LARGE1: variants seen among roughly 807,000 people sequenced by gnomAD.
LARGE1 encodes the protein LARGE xylosyl- and glucuronyltransferase 1.
LARGE1 carries 43 observed loss-of-function variants against 87.6 expected under a neutral mutation model. That is an observed-to-expected ratio of 0.49 (90% CI 0.38 to 0.63). The LOEUF (loss-of-function observed/expected upper bound fraction) is 0.63, where lower values mean the gene tolerates loss of function less well. Among genes scored for constraint, LARGE1 ranks in the 30% least tolerant of loss-of-function variants. The pLI is 0.00. For synonymous variants in LARGE1, 434 were observed against 394.6 expected (o/e 1.10, Z -1.18); for missense variants, 802 against 1,000.2 (o/e 0.80, Z 2.67).
At chr22:33,376,793 T>A (rs1431701080) in intron 9 of LARGE1, among the ~76,000 whole-genome samples, 2 of 152,234 alleles carry the variant, frequency 1.3e-5, no homozygotes, top group African/African-American at 4.8e-5. Context: ...GATGTACGAA[T>A]CCTAACAGTA....
In LARGE1 at chr22:33,277,140, G is replaced by A. The variant is rs749437299; in HGVS notation, c.1993C>T (p.Arg665Cys). Residue 665 changes from arginine (R) to cysteine (C), a missense_variant, in exon 14 of 15, where the codon CGT becomes TGT. Transcript: ENST00000397394. ...CTCCGGTCGTACTCCGGGCAGTCACGTCTCACAACAACATACGGCTCAAAA... is the reference window on the plus strand; with the variant it reads ...CTCCGGTCGTACTCCGGGCAGTCACATCTCACAACAACATACGGCTCAAAA... The part of the protein sequence containing the change: ...ADFEPYVVVR[R>C]DCPEYDRRFV... The A allele has an allele frequency of 1.7e-5, 27 of 1,614,118 alleles. No homozygotes were observed. Among genetic ancestry groups the A allele is most frequent in the African/African-American group, 4.0e-5 (3 of 74,952 alleles).
At chr22:33,399,540 G>C (rs572633564) in intron 7 of LARGE1, among the ~76,000 whole-genome samples, 2 of 152,144 alleles carry the variant, frequency 1.3e-5, no homozygotes, top group Admixed American at 1.3e-4. Context: ...GGAAGACAGC[G>C]TGGCGATTCT....
intron 1 of LARGE1, among the ~76,000 whole-genome samples, chr22:33,883,270 T>C (rs1198658697): frequency 6.6e-6 from 1 of 152,124 alleles, no homozygotes; most frequent in Non-Finnish European, 1.5e-5. Flanking sequence ...TCCAGGAAGT[T>C]TCAGTATTAT....
chr22:33,413,508 A>C (rs2066383678), intron 7 of LARGE1, among the ~76,000 whole-genome samples: 2 of 151,986 alleles, frequency 1.3e-5, no homozygotes, highest in Non-Finnish European at 2.9e-5. Flanking sequence ...TCTGTCGCCC[A>C]GACTGGAGTG....
intron 2 of LARGE1, among the ~76,000 whole-genome samples, chr22:33,692,097 G>T (rs1430078213): frequency 6.6e-6 from 1 of 152,042 alleles, no homozygotes; most frequent in Non-Finnish European, 1.5e-5. Flanking sequence ...AAAATTTATT[G>T]TATGCTAAGC....
At chr22:33,916,234 T>C (rs991057794) in intron 1 of LARGE1, among the ~76,000 whole-genome samples, 7 of 151,650 alleles carry the variant, frequency 4.6e-5, no homozygotes, top group African/African-American at 1.7e-4. Context: ...TGAGCTAAGA[T>C]CATGCCACTG....
chr22:33,913,078 C>A (rs914648452), intron 1 of LARGE1, among the ~76,000 whole-genome samples: 1 of 151,754 alleles, frequency 6.6e-6, no homozygotes, highest in Non-Finnish European at 1.5e-5. Flanking sequence ...GTGATCCCCC[C>A]ACCTCGGCCT....
intron 6 of LARGE1, among the ~76,000 whole-genome samples, chr22:33,551,220 T>A (rs985120552): frequency 1.3e-5 from 2 of 152,188 alleles, no homozygotes; most frequent in African/African-American, 4.8e-5. Flanking sequence ...CACAAAGACA[T>A]ATACAGCCCA....
intron 6 of LARGE1, among the ~76,000 whole-genome samples, chr22:33,460,112 T>C (rs1381667784): frequency 6.6e-6 from 1 of 152,226 alleles, no homozygotes; most frequent in African/African-American, 2.4e-5. Context: ...CAGCTAACTG[T>C]AGCAGTCAAA....
chr22:33,110,035 C>T, the LARGE1 span, among the ~76,000 whole-genome samples: 1 of 152,242 alleles, frequency 6.6e-6, no homozygotes, highest in Admixed American at 6.5e-5. Flanking sequence ...AACTAACACG[C>T]TTACTCATCC....
chr22:33,767,709 G>A (rs1038703646), intron 1 of LARGE1, among the ~76,000 whole-genome samples: 5 of 152,024 alleles, frequency 3.3e-5, no homozygotes, highest in African/African-American at 1.2e-4. Flanking sequence ...TGTGTGGATT[G>A]TCTAGAAACA....
At chr22:33,138,181 G>A in the LARGE1 span, among the ~76,000 whole-genome samples, 64,113 of 152,010 alleles carry the variant, frequency 0.42, 13,981 homozygotes, top group South Asian at 0.68. Context: ...CTCTTGCATT[G>A]TCATGACCTG....
chr22:33,854,947 C>T (rs986542259), intron 1 of LARGE1, among the ~76,000 whole-genome samples: 2 of 152,150 alleles, frequency 1.3e-5, no homozygotes, highest in African/African-American at 4.8e-5. Context: ...CATTACAAAA[C>T]CCCAGAGGCA....
At chr22:33,700,107 C>T (rs1193331435) in intron 2 of LARGE1, among the ~76,000 whole-genome samples, 1 of 152,122 alleles carries the variant, frequency 6.6e-6, no homozygotes, top group Non-Finnish European at 1.5e-5. Context: ...CCAGGAAAGG[C>T]AACAAATCTA....
At chr22:33,573,354 A>T (rs1161221653) in intron 5 of LARGE1, among the ~76,000 whole-genome samples, 1 of 151,384 alleles carries the variant, frequency 6.6e-6, no homozygotes, top group Non-Finnish European at 1.5e-5. Context: ...CAGTAGAACC[A>T]CTTGAACCCA....
At chr22:33,610,283 GT>G (rs1189527967) in intron 4 of LARGE1, among the ~76,000 whole-genome samples, 10 of 152,228 alleles carry the variant, frequency 6.6e-5, no homozygotes, top group Non-Finnish European at 1.5e-4. Flanking sequence ...TTATAGACTG[GT>G]TTAATGGTTG....
chr22:33,840,880 C>A (rs1568976547), intron 1 of LARGE1, among the ~76,000 whole-genome samples: 2 of 152,190 alleles, frequency 1.3e-5, no homozygotes, highest in South Asian at 4.1e-4. Context: ...GCCTCAGCCT[C>A]CCAAAGTGCT....
At chr22:33,501,274 G>T (rs943833845) in intron 6 of LARGE1, among the ~76,000 whole-genome samples, 1 of 152,202 alleles carries the variant, frequency 6.6e-6, no homozygotes. Context: ...GGCAGTGAGC[G>T]GCAGAGGGGC....
intron 1 of LARGE1, among the ~76,000 whole-genome samples, chr22:33,779,786 T>C (rs1029354088): frequency 6.6e-6 from 1 of 150,962 alleles, no homozygotes; most frequent in Non-Finnish European, 1.5e-5. Context: ...AACTCTTGTT[T>C]CAAAAAAATT....
Sources: allele counts gnomAD v4.1 joint callset (sites outside exome capture counted in the v4.1 genomes callset), GRCh38; gene constraint gnomAD v4.1.1; transcripts MANE v1.5; gene names NCBI Gene and HGNC (gene_info 2026-07-23, HGNC 2026-07-21).